RTL5: variants seen among roughly 807,000 people sequenced by gnomAD.
RTL5 encodes the protein retrotransposon Gag like 5, also known as retrotransposon Gag-like protein 5.
In RTL5, 8 loss-of-function variants were observed where a neutral mutation model predicts 7.7. The observed-to-expected ratio is 1.04, with a 90% CI of 0.61 to 1.88. RTL5 has a LOEUF of 1.88. Among genes scored for constraint, RTL5 ranks in the 40% most tolerant of loss-of-function variants. The pLI is 0.00. For synonymous variants in RTL5, 188 were observed against 191.8 expected (o/e 0.98, Z 0.16); for missense variants, 457 against 472.7 (o/e 0.97, Z 0.31).
At chrX:72,127,741 G>T (rs1319906196) in exon 1 of RTL5, 1 of 112,891 alleles carries the variant, frequency 8.9e-6, no homozygotes, top group Non-Finnish European at 1.9e-5. Context: ...TCTTTACAAA[G>T]TTGTTTACTC....
At position 72,130,540 on chromosome X, in the gene RTL5, T is replaced by C. The variant is rs373898335; in HGVS notation, c.1001A>G (p.Asn334Ser). ...CTCTTCATCTTCACTTTCTTCCTCA[T>C]TGGGACTCGGAGCAAAAGGGAAGAT... Residue 334 changes from asparagine (N) to serine (S), a missense_variant, in exon 1 of 1, where the codon AAT (asparagine) becomes AGT (serine). Asn to Ser is a conservative substitution (Grantham distance 46). Transcript: ENST00000609883. 6.5e-5 allele frequency: 79 copies of C among 1,208,951 alleles called. No individual in the cohort carries two copies. Among genetic ancestry groups the C allele is most frequent in the African/African-American group, 6.3e-4 (36 of 56,884 alleles).
At position 72,129,897 on chromosome X, in the gene RTL5, A is replaced by AG. The variant is rs773427785; in HGVS notation, c.1643dup (p.Val549CysfsTer64). The AG allele has an allele frequency of 1.7e-6, 2 of 1,210,016 alleles. No individual in the cohort carries two copies. Among genetic ancestry groups the AG allele is most frequent in the East Asian group, 3.0e-5 (1 of 33,802 alleles). ...GTCTCGGAGTGAGGCGGAAAAGCAC[A>AG]GGGGGGCGTCTTCGAACTTGGCGTT... On this transcript the variant is annotated frameshift_variant, in exon 1 of 1. Coordinates refer to ENST00000609883, the Ensembl canonical transcript of RTL5. LOFTEE classifies it high-confidence loss of function.
chrX:72,131,040 C>T, exon 1 of RTL5: 1 of 1,210,812 alleles, frequency 8.3e-7, no homozygotes, highest in East Asian at 3.0e-5. Flanking sequence ...CTAGCTGCAT[C>T]AGGAATTCAG....
chrX:72,131,892 C>T, upstream of RTL5: 1 of 404,701 alleles, frequency 2.5e-6, no homozygotes, highest in South Asian at 3.8e-5. Context: ...CGGGAGGGAG[C>T]GGACTGCGGC....
exon 1 of RTL5, chrX:72,130,415 T>C (rs751074420): frequency 1.0e-5 from 12 of 1,192,969 alleles, no homozygotes; most frequent in African/African-American, 3.6e-5. Context: ...TCCTCCTCCT[T>C]CTCCTTCATC....
At chrX:72,129,129 G>C (rs2042256890) in exon 1 of RTL5, 1 of 112,836 alleles carries the variant, frequency 8.9e-6, no homozygotes, top group South Asian at 3.6e-4. Flanking sequence ...TCTGTGCAAA[G>C]GTAAACTCAA....
At chrX:72,131,878 G>C (rs1408904632), upstream of RTL5, 69 of 340,253 alleles carry the variant, frequency 2.0e-4, no homozygotes, top group African/African-American at 1.8e-3. Flanking sequence ...AGGGGCGAGC[G>C]GAGCGGGAGG....
chrX:72,131,480 C>A lies in RTL5; in HGVS notation c.61G>T (p.Glu21Ter), dbSNP rs1476816769. Residue 21 changes from glutamate to a stop codon, truncating the protein, a stop_gained, in exon 1 of 1, where the codon GAA (glutamate) becomes TAA (stop). Transcript: ENST00000609883. LOFTEE classifies it low-confidence loss of function (END_TRUNC). ...TTCTCCCCGCGAAGGGCATTTAATT[C>A]TTCGCGCAGGGCCACATTCGCCATG... The A allele has an allele frequency of 1.7e-6, 2 of 1,206,341 alleles. No homozygotes were observed. Among genetic ancestry groups the A allele is most frequent in the Non-Finnish European group, 2.2e-6 (2 of 893,133 alleles).
At position 72,129,887 on chromosome X, in the gene RTL5, G is replaced by A. The variant is rs769386611; in HGVS notation, c.1654C>T (p.Arg552Cys). Residue 552 changes from arginine to cysteine, a missense_variant, in exon 1 of 1, where the codon CGC becomes TGC. Arg to Cys is a radical substitution (Grantham distance 180). Coordinates refer to ENST00000609883, the Ensembl canonical transcript of RTL5. ...TGGCCCCCCTGTCTCGGAGTGAGGCGGAAAAGCACAGGGGGGCGTCTTCGA... is the reference window on the plus strand; with the variant it reads ...TGGCCCCCCTGTCTCGGAGTGAGGCAGAAAAGCACAGGGGGGCGTCTTCGA... 8.0e-5 allele frequency: 97 copies of A among 1,207,043 alleles called. No individual in the cohort carries two copies. The highest frequency in any genetic ancestry group is 4.6e-4 in the Middle Eastern group (2 of 4,357).
At chrX:72,130,027 C>G (rs772908130) in exon 1 of RTL5, 1 of 1,211,343 alleles carries the variant, frequency 8.3e-7, no homozygotes, top group Non-Finnish European at 1.1e-6. Context: ...GTTCCTCCGT[C>G]TGCTAGGCTG....
exon 1 of RTL5, chrX:72,129,733 G>C (rs2042264476): frequency 1.2e-6 from 1 of 853,889 alleles, no homozygotes; most frequent in Non-Finnish European, 1.6e-6. Context: ...GAAACTCCCT[G>C]AAGTCCTGGT....
exon 1 of RTL5, chrX:72,130,109 A>G: frequency 8.3e-7 from 1 of 1,210,771 alleles, no homozygotes; most frequent in Non-Finnish European, 1.1e-6. Context: ...GTCTGGGATG[A>G]CGCGTGAACA....
At chrX:72,130,198 T>C (rs367678202) in exon 1 of RTL5, 5 of 1,210,931 alleles carry the variant, frequency 4.1e-6, no homozygotes, top group Non-Finnish European at 5.6e-6. Context: ...CACCTCACCA[T>C]AGGTCTCCTC....
chrX:72,127,410 C>T (rs1409921809), downstream of RTL5: 2 of 110,751 alleles, frequency 1.8e-5, no homozygotes, highest in East Asian at 2.9e-4. Context: ...GAAGCCCAAG[C>T]CCCTCCTGCC....
exon 1 of RTL5, chrX:72,131,635 C>T (rs754424280): frequency 7.8e-6 from 7 of 895,192 alleles, no homozygotes; most frequent in Non-Finnish European, 1.5e-6. Flanking sequence ...CGGCGGGGCT[C>T]GGGAGGGACC....
chrX:72,130,713 G>C (rs1435038558), exon 1 of RTL5: 1 of 1,211,948 alleles, frequency 8.3e-7, no homozygotes, highest in Admixed American at 2.2e-5. Flanking sequence ...GGCCTTTGAG[G>C]AATTGGTTTT....
exon 1 of RTL5, chrX:72,129,983 C>T (rs1301555624): frequency 1.7e-6 from 2 of 1,211,591 alleles, no homozygotes; most frequent in South Asian, 1.8e-5. Flanking sequence ...GAATTGGTGC[C>T]TGGAAGGCCT....
At chrX:72,129,683 G>T (rs1042133244) in exon 1 of RTL5, 1 of 576,655 alleles carries the variant, frequency 1.7e-6, no homozygotes, top group Non-Finnish European at 2.7e-6. Context: ...TTGCAAGATG[G>T]TCTGGAATTC....
At chrX:72,131,134 G>A (rs755388224) in exon 1 of RTL5, 61 of 1,192,194 alleles carry the variant, frequency 5.1e-5, no homozygotes, top group Non-Finnish European at 6.7e-5. Flanking sequence ...CGGTTCCTTT[G>A]ACGCGGGCGG....
Sources: gnomAD v4.1 joint callset for allele counts on GRCh38, gnomAD v4.1.1 for gene constraint, MANE v1.5 for transcripts, NCBI Gene and HGNC (gene_info 2026-07-23, HGNC 2026-07-21) for gene names.